OCA2: variants seen among roughly 807,000 people sequenced by gnomAD.
The protein encoded by OCA2 is OCA2 melanosomal transmembrane protein, also known as P protein.
In OCA2, 77 loss-of-function variants were observed where a neutral mutation model predicts 100.2. The ratio of observed to expected loss-of-function variants is 0.77; its 90% CI spans 0.64 to 0.93. OCA2 has a LOEUF of 0.93. Among genes scored for constraint, OCA2 ranks in the 40% least tolerant of loss-of-function variants. The pLI is 0.00. For synonymous variants in OCA2, 432 were observed against 439.2 expected, an observed-to-expected ratio of 0.98 and a Z score of 0.21; for missense variants, 1,062 against 1,089.1, an observed-to-expected ratio of 0.98 and a Z score of 0.35.
At chr15:28,047,281 G>C (rs190554561) in intron 2 of OCA2, among the ~76,000 whole-genome samples, 14 of 152,296 alleles carry the variant, frequency 9.2e-5, no homozygotes, top group Middle Eastern at 3.4e-3. Context: ...ATTCAGAAGA[G>C]AGTGTGGCTC....
intron 9 of OCA2, among the ~76,000 whole-genome samples, chr15:27,997,666 T>G (rs1347560413): frequency 7.5e-6 from 1 of 132,538 alleles, no homozygotes; most frequent in African/African-American, 2.5e-5. Flanking sequence ...TGCGGGCTCT[T>G]TTTTGGTTCC....
At chr15:27,987,966 G>C (rs1436628321) in intron 11 of OCA2, among the ~76,000 whole-genome samples, 1 of 152,166 alleles carries the variant, frequency 6.6e-6, no homozygotes, top group African/African-American at 2.4e-5. Context: ...ACCATGTCCA[G>C]AGTGACCATC....
intron 19 of OCA2, among the ~76,000 whole-genome samples, chr15:27,904,406 G>T (rs2038089284): frequency 6.6e-6 from 1 of 152,300 alleles, no homozygotes; most frequent in Middle Eastern, 3.4e-3. Context: ...CGGAAGAACT[G>T]CACACTACAG....
intron 23 of OCA2, among the ~76,000 whole-genome samples, chr15:27,793,887 C>G (rs1169263901): frequency 1.3e-5 from 2 of 152,140 alleles, no homozygotes; most frequent in African/African-American, 4.8e-5. Context: ...ATGGACGTGC[C>G]CACCACAGGC....
At chr15:27,922,860 A>T (rs1227977542) in intron 19 of OCA2, among the ~76,000 whole-genome samples, 1 of 151,964 alleles carries the variant, frequency 6.6e-6, no homozygotes, top group African/African-American at 2.4e-5. Flanking sequence ...GGTTTATTAT[A>T]TAGGTAGACT....
intron 4 of OCA2, among the ~76,000 whole-genome samples, chr15:28,027,175 C>T (rs1026002885): frequency 6.6e-6 from 1 of 152,236 alleles, no homozygotes; most frequent in African/African-American, 2.4e-5. Context: ...AGCGCTACTG[C>T]CCGCGCACAC....
At chr15:27,831,973 C>T (rs998447836) in intron 23 of OCA2, among the ~76,000 whole-genome samples, 2 of 151,962 alleles carry the variant, frequency 1.3e-5, no homozygotes, top group African/African-American at 4.8e-5. Context: ...TCCAGCCCCC[C>T]GTGCTCAGGC....
In OCA2 at chr15:27,805,744, G is replaced by A. The variant is rs142636643; in HGVS notation, c.2432+39215C>T. Among the ~76,000 whole-genome samples the A allele has an allele frequency of 5.7e-3, 873 of 152,256 alleles. 15 individuals are homozygous for A. Among genetic ancestry groups the A allele is most frequent in the African/African-American group, 0.02 (816 of 41,568 alleles). On this transcript the variant is annotated intron_variant, in intron 23 of 23. Transcript: ENST00000354638. The stretch of plus-strand genomic sequence containing the variant: ...CGAGTGCCAGAGGTGCACAGTGAGC[G>A]CTGCCTGGAGAAGACCCTCCGCGCC...
intron 14 of OCA2, among the ~76,000 whole-genome samples, chr15:27,973,397 G>A (rs1370317736): frequency 6.6e-6 from 1 of 152,066 alleles, no homozygotes; most frequent in East Asian, 1.9e-4. Context: ...TCTTCTACAT[G>A]TGGCTAGCCA....
intron 23 of OCA2, among the ~76,000 whole-genome samples, chr15:27,831,653 G>C (rs1442546485): frequency 6.6e-6 from 1 of 152,204 alleles, no homozygotes; most frequent in Non-Finnish European, 1.5e-5. Context: ...CAGAGGGAGC[G>C]TGTCTGGGTC....
In OCA2 at chr15:27,966,706, T is replaced by C. The variant is rs764495521; in HGVS notation, c.1620A>G (p.Glu540=). The C allele has an allele frequency of 6.2e-7, 1 of 1,614,002 alleles. No homozygotes were observed. The highest frequency in any genetic ancestry group is 8.5e-7 in the Non-Finnish European group (1 of 1,180,002). The change falls in exon 15 of 24, where the codon GAA becomes GAG. Residue 540 remains glutamate, a synonymous_variant. Transcript: ENST00000354638. ...TGTACTCACCAACAATCTCACTGGG[T>C]TCCTTGTTATAAAGCTTTCTGTTCC... The part of the protein sequence containing the change: ...LYWNRKLYNK[E]PSEIVELKHE...
chr15:28,082,354 A>T (rs1271111986), intron 1 of OCA2, among the ~76,000 whole-genome samples: 2 of 152,152 alleles, frequency 1.3e-5, no homozygotes, highest in Non-Finnish European at 2.9e-5. Context: ...TTTCACAGTA[A>T]ATCTTGCTGC....
chr15:28,008,066 C>G (rs1439533483), intron 9 of OCA2, among the ~76,000 whole-genome samples: 1 of 152,178 alleles, frequency 6.6e-6, no homozygotes, highest in Non-Finnish European at 1.5e-5. Flanking sequence ...AGCACTTGCT[C>G]TAGGCCAGGC....
At chr15:27,748,124 A>G in the OCA2 span, among the ~76,000 whole-genome samples, 1 of 152,228 alleles carries the variant, frequency 6.6e-6, no homozygotes, top group Non-Finnish European at 1.5e-5. Context: ...AGGTCAGCCC[A>G]GAAGAACCAA....
intron 16 of OCA2, among the ~76,000 whole-genome samples, 155 bp from the exon 17 acceptor site, chr15:27,955,370 G>C (rs903126914): frequency 6.6e-6 from 1 of 152,062 alleles, no homozygotes; most frequent in Non-Finnish European, 1.5e-5. Flanking sequence ...GGCTTCATTT[G>C]TTGGCTGGAA....
At chr15:28,077,937 G>A (rs566667742) in intron 2 of OCA2, among the ~76,000 whole-genome samples, 8 of 152,258 alleles carry the variant, frequency 5.3e-5, no homozygotes, top group South Asian at 2.1e-4. Flanking sequence ...ACAATTAGCC[G>A]GATGTGGTGG....
chr15:27,864,007 C>T (rs1021435810), intron 21 of OCA2, among the ~76,000 whole-genome samples: 4 of 152,012 alleles, frequency 2.6e-5, no homozygotes, highest in Non-Finnish European at 4.4e-5. Context: ...TGGGGTCTGG[C>T]GGTGTAGTGG....
intron 18 of OCA2, among the ~76,000 whole-genome samples, chr15:27,930,464 A>T (rs1228469291): frequency 1.3e-5 from 2 of 151,876 alleles, no homozygotes; most frequent in African/African-American, 4.8e-5. Context: ...GCTATAGTCC[A>T]TGGGTCAAAT....
At position 27,983,462 on chromosome 15, in the gene OCA2, A is replaced by G; in HGVS notation, c.1386T>C (p.Leu462=). The change falls in exon 14 of 24, where the codon CTT becomes CTC. Residue 462 remains leucine, a synonymous_variant. Transcript: ENST00000354638. The stretch of plus-strand genomic sequence containing the variant: ...CTGCAATCAGGACTTGTCTTGGATC[A>G]AGGTTGAGCACCTCACACAACCTGT... ...VTIRLCEVLN[L]DPRQVLIAEV... is the part of the protein sequence containing the mutation. 1 of 1,614,216 alleles carries G rather than the reference A, an allele frequency of 6.2e-7. No individual in the cohort carries two copies. Among genetic ancestry groups the G allele is most frequent in the South Asian group, 1.1e-5 (1 of 91,088 alleles).
Sources: gnomAD v4.1 joint callset for allele counts (sites outside exome capture counted in the v4.1 genomes callset) on GRCh38, gnomAD v4.1.1 for gene constraint, MANE v1.5 for transcripts, NCBI Gene and HGNC (gene_info 2026-07-23, HGNC 2026-07-21) for gene names.